Variants in MICAL2 observed in about 807,000 individuals in gnomAD.
MICAL2 encodes microtubule associated monooxygenase, calponin and LIM domain containing 2.
In MICAL2, 77 loss-of-function variants were observed where a neutral mutation model predicts 127.3. The ratio of observed to expected loss-of-function variants is 0.60; its 90% CI spans 0.50 to 0.73. The LOEUF is 0.73. Ranked by LOEUF, MICAL2 falls within the 30% of genes least tolerant of loss-of-function variation. MICAL2 has a pLI of 0.00. For missense variants in MICAL2, 1,351 were observed against 1,434.4 expected (o/e 0.94, Z 0.94); for synonymous variants, 570 against 551.1 (o/e 1.03, Z -0.48).
At chr11:12,275,458 A>G (rs971895772), upstream of MICAL2, among the ~76,000 whole-genome samples, 4 of 152,156 alleles carry the variant, frequency 2.6e-5, no homozygotes, top group African/African-American at 9.7e-5. Context: ...TTTCAGTGTT[A>G]CAAGGTCAAG....
intron 17 of MICAL2, 43 bp downstream of exon 17, chr11:12,239,628 CTT>C (rs1565226735): frequency 6.3e-7 from 1 of 1,597,768 alleles, no homozygotes; most frequent in Admixed American, 1.7e-5. Context: ...TTCCTGGTGA[CTT>C]TTCAGCAGGA....
At chr11:12,120,104 G>T (rs1850382453) in intron 1 of MICAL2, among the ~76,000 whole-genome samples, 1 of 152,188 alleles carries the variant, frequency 6.6e-6, no homozygotes, top group Admixed American at 6.5e-5. Flanking sequence ...TTGTAGCACT[G>T]GCTGGTCTCA....
At chr11:12,125,310 G>A (rs898283449) in intron 1 of MICAL2, among the ~76,000 whole-genome samples, 13 of 152,216 alleles carry the variant, frequency 8.5e-5, no homozygotes, top group African/African-American at 2.9e-4. Flanking sequence ...ATGGAGTGCA[G>A]TGGCGCGATC....
intron 20 of MICAL2, chr11:12,243,193 G>A (rs773726889): frequency 1.3e-5 from 2 of 157,524 alleles, no homozygotes; most frequent in Non-Finnish European, 2.8e-5. Flanking sequence ...CTGTGGCCCT[G>A]ATCAGGAAGA....
chr11:12,259,319 A>T (rs1370880033), intron 25 of MICAL2, among the ~76,000 whole-genome samples: 1 of 152,228 alleles, frequency 6.6e-6, no homozygotes. Flanking sequence ...TTTCTTCACT[A>T]ACTGTATATC....
intron 32 of MICAL2, among the ~76,000 whole-genome samples, chr11:12,345,639 G>A (rs1407221744): frequency 6.6e-6 from 1 of 152,134 alleles, no homozygotes; most frequent in African/African-American, 2.4e-5. Flanking sequence ...TCTTGAATTG[G>A]GTTATGAAAA....
intron 6 of MICAL2, 101 bp downstream of exon 6, chr11:12,209,699 C>G: frequency 9.4e-7 from 1 of 1,061,350 alleles, no homozygotes. Context: ...GATGCCAGAG[C>G]TGGATGGAGG....
At chr11:12,192,556 T>G (rs1859336778) in intron 3 of MICAL2, among the ~76,000 whole-genome samples, 1 of 152,066 alleles carries the variant, frequency 6.6e-6, no homozygotes, top group African/African-American at 2.4e-5. Flanking sequence ...GGCGGGTGAA[T>G]CACTTGAAGT....
At chr11:12,207,900 T>G in intron 4 of MICAL2, 123 bp from the exon 5 acceptor site, 1 of 748,960 alleles carries the variant, frequency 1.3e-6, no homozygotes, top group Non-Finnish European at 2.4e-6. Flanking sequence ...CGCTCAGTAA[T>G]GATCATTGTT....
Position 12,239,464 on chromosome 11 carries a change from G to T in MICAL2, c.2093G>T (p.Gly698Val). Residue 698 changes from glycine to valine, a missense_variant, in exon 17 of 28, where the codon GGC (glycine) becomes GTC (valine). Gly to Val is a moderately radical substitution (Grantham distance 109). Coordinates refer to ENST00000683283, the MANE Select transcript of MICAL2 (RefSeq NM_001282663.2). Reference sequence around the variant, plus strand: ...TCAAACTTTTCCAGCCGTAGCTTGGGCTCCAATCAAGAGTGTGGGAGCAGT... The same window carrying T: ...TCAAACTTTTCCAGCCGTAGCTTGGTCTCCAATCAAGAGTGTGGGAGCAGT... ...EPSNFSSRSLGSNQECGSSKE... is the reference protein window; with the variant it reads ...EPSNFSSRSLVSNQECGSSKE... 2 of 1,614,190 alleles carry T rather than the reference G, an allele frequency of 1.2e-6. No homozygotes were observed. The highest frequency in any genetic ancestry group is 1.1e-5 in the South Asian group (1 of 91,076).
chr11:12,152,509 A>G (rs1308339489), intron 2 of MICAL2, among the ~76,000 whole-genome samples: 1 of 151,998 alleles, frequency 6.6e-6, no homozygotes, highest in East Asian at 1.9e-4. Flanking sequence ...CTTCCTGGGT[A>G]GGGCGATGTA....
intron 1 of MICAL2, among the ~76,000 whole-genome samples, chr11:12,134,999 C>T (rs1396243548): frequency 2.0e-5 from 3 of 152,188 alleles, no homozygotes; most frequent in Non-Finnish European, 4.4e-5. Context: ...CAGCTGACCC[C>T]ACACAGCCCT....
Position 12,256,899 on chromosome 11 carries a change from C to T in MICAL2, c.3070C>T (p.Arg1024Trp), listed in dbSNP as rs199868277. 2.9e-5 allele frequency: 47 copies of T among 1,614,044 alleles called. No homozygotes were observed. Among genetic ancestry groups the T allele is most frequent in the African/African-American group, 2.7e-5 (2 of 74,932 alleles). ...GAGCGCCGAGGGCCACTTCTTCCAC[C>T]GGGAGTGTTTCCGCTGCAGCATCTG... The part of the protein sequence containing the change: ...RLSAEGHFFH[R>W]ECFRCSICAT... Residue 1024 changes from arginine to tryptophan, a missense_variant, in exon 24 of 28, where the codon CGG becomes TGG. By Grantham distance (101) the Arg-to-Trp change is moderately radical. Coordinates refer to ENST00000683283, the MANE Select transcript of MICAL2 (RefSeq NM_001282663.2).
At position 12,242,747 on chromosome 11, in the gene MICAL2, T is replaced by C. The variant is rs142252172; in HGVS notation, c.2633T>C (p.Met878Thr). 4.3e-6 allele frequency: 7 copies of C among 1,610,468 alleles called. No individual in the cohort carries two copies. The African/African-American group carries it at 9.4e-5, about 22-fold the overall frequency. The stretch of plus-strand genomic sequence containing the variant: ...GAGAAGGCGGCTCACCTTGCCTCCA[T>C]GTTTGGACACGGGGATTTCCCGCAG... ...IKEKAAHLASMFGHGDFPQNK... is the reference protein window; with the variant it reads ...IKEKAAHLASTFGHGDFPQNK... The change falls in exon 20 of 28, where the codon ATG becomes ACG. Residue 878 changes from methionine (M) to threonine (T), a missense_variant. This residue lies in a region of MICAL2 where 752 missense variants were observed against 719.4 expected (regional missense o/e 1.05). Transcript: ENST00000683283.
Position 12,204,461 on chromosome 11 carries a change from A to C in MICAL2, c.472+4A>C. ...GCTGGCTCCATCGACCATATCAGTG[A>C]GTGGAGTCTATGGTGATATCCCATG... On this transcript the variant is annotated splice_donor_region_variant and intron_variant, in intron 4 of 27. Coordinates refer to ENST00000683283, the MANE Select transcript of MICAL2 (RefSeq NM_001282663.2). The C allele has an allele frequency of 6.2e-7, 1 of 1,613,784 alleles. No individual in the cohort carries two copies. The highest frequency in any genetic ancestry group is 1.1e-5 in the South Asian group (1 of 91,078).
At chr11:12,277,703 G>A (rs1416620219) in intron 1 of MICAL2, among the ~76,000 whole-genome samples, 2 of 152,180 alleles carry the variant, frequency 1.3e-5, no homozygotes, top group Non-Finnish European at 2.9e-5. Context: ...GACAAGGTAA[G>A]GAGTTTAAAT....
chr11:12,242,896 A>G, intron 20 of MICAL2, 124 bp downstream of exon 20: 1 of 629,534 alleles, frequency 1.6e-6, no homozygotes, highest in East Asian at 3.3e-5. Context: ...AGAGCTCTTT[A>G]TTTTTCAAGC....
chr11:12,333,608 A>T (rs1283578746), intron 32 of MICAL2, among the ~76,000 whole-genome samples: 1 of 152,184 alleles, frequency 6.6e-6, no homozygotes, highest in Non-Finnish European at 1.5e-5. Flanking sequence ...AGATGCTAGG[A>T]TTGTCTATAT....
At position 12,268,942 on chromosome 11, in the gene MICAL2, T is replaced by C. The variant is rs376563313; in HGVS notation, c.3335-7044T>C. 2.1e-3 allele frequency among the ~76,000 whole-genome samples: 319 copies of C among 151,786 alleles called. 1 individual carries two copies. The highest frequency in any genetic ancestry group is 7.6e-3 in the African/African-American group (314 of 41,334). On this transcript the variant is annotated intron_variant, in intron 24 of 34. Transcript: ENST00000646065. ...TGAACCCGGGAGGCGGAGCTTGCAG[T>C]GAGCCAAGATTGTGCCACTGCACTC... is the stretch of plus-strand genomic sequence containing the variant.
Sources: gnomAD v4.1 joint callset for allele counts (sites outside exome capture counted in the v4.1 genomes callset) on GRCh38, gnomAD v4.1.1 for gene constraint, gnomAD v4.1.1 regional missense constraint, MANE v1.5 for transcripts, NCBI Gene and HGNC (gene_info 2026-07-23, HGNC 2026-07-21) for gene names.